Variants in ATP8A2 observed in about 807,000 individuals in gnomAD.
ATP8A2 encodes the protein phospholipid-transporting ATPase IB.
ATP8A2 carries 100 observed loss-of-function variants against 165.6 expected under a neutral mutation model. The observed-to-expected ratio is 0.60, with a 90% confidence interval of 0.51 to 0.71. ATP8A2 has a LOEUF of 0.71. Ranked by LOEUF, ATP8A2 falls within the 30% of genes least tolerant of loss-of-function variation. ATP8A2 has a pLI of 0.00. For synonymous variants in ATP8A2, 543 were observed against 548.8 expected (o/e 0.99, Z 0.15); for missense variants, 1,227 against 1,479.5 (o/e 0.83, Z 2.80).
intron 25 of ATP8A2, among the ~76,000 whole-genome samples, chr13:25,723,867 G>A (rs973605772): frequency 3.7e-4 from 56 of 152,120 alleles, no homozygotes; most frequent in Admixed American, 3.0e-3. Context: ...CACATGAGCC[G>A]TTTAAATCTG....
At chr13:25,913,172 G>T (rs1187275906) in intron 33 of ATP8A2, among the ~76,000 whole-genome samples, 1 of 152,256 alleles carries the variant, frequency 6.6e-6, no homozygotes, top group East Asian at 1.9e-4. Flanking sequence ...CCCCAGGATC[G>T]CATAGCCAGG....
At chr13:25,471,673 A>AT (rs1274382872) in intron 2 of ATP8A2, among the ~76,000 whole-genome samples, 9 of 152,174 alleles carry the variant, frequency 5.9e-5, no homozygotes, top group African/African-American at 2.2e-4. Context: ...AGCACTGATA[A>AT]TGGAGCTTCA....
At chr13:25,836,146 G>A (rs772526392) in intron 28 of ATP8A2, among the ~76,000 whole-genome samples, 22 of 151,274 alleles carry the variant, frequency 1.5e-4, no homozygotes, top group Non-Finnish European at 3.1e-4. Context: ...AGGTAAACTG[G>A]TTGCTGTGAA....
At chr13:25,817,642 T>C (rs907682214) in intron 27 of ATP8A2, among the ~76,000 whole-genome samples, 44 of 152,180 alleles carry the variant, frequency 2.9e-4, no homozygotes, top group Non-Finnish European at 4.3e-4. Context: ...TATTTTATAC[T>C]CTCAAGATTA....
In ATP8A2 at chr13:25,574,307, G is replaced by A. The variant is rs575553634; in HGVS notation, c.1663-501G>A. ...TTCCAAAAGATTTTTCCTAAATTTGGTGAAGAGTTATTTGGCAGCAAAACC... is the reference window on the plus strand; with the variant it reads ...TTCCAAAAGATTTTTCCTAAATTTGATGAAGAGTTATTTGGCAGCAAAACC... On this transcript the variant is annotated intron_variant, in intron 18 of 36. Transcript: ENST00000381655. 1.3e-4 allele frequency among the ~76,000 whole-genome samples: 20 copies of A among 152,280 alleles called. 2 individuals carry two copies. The South Asian group carries it at 3.9e-3, about 30-fold the overall frequency.
At chr13:25,481,792 A>T (rs562294422) in intron 2 of ATP8A2, among the ~76,000 whole-genome samples, 118 of 152,224 alleles carry the variant, frequency 7.8e-4, no homozygotes, top group African/African-American at 2.6e-3. Flanking sequence ...CAGAACAGAG[A>T]GAGTGAGCAA....
intron 25 of ATP8A2, among the ~76,000 whole-genome samples, chr13:25,721,388 T>A (rs2419336): frequency 0.28 from 42,715 of 152,042 alleles, 7,724 homozygotes; most frequent in Middle Eastern, 0.41. Context: ...TGTTTTTGCT[T>A]TGGTTGCCTG....
intron 1 of ATP8A2, among the ~76,000 whole-genome samples, chr13:25,453,180 G>C (rs1247190637): frequency 6.6e-6 from 1 of 151,782 alleles, no homozygotes; most frequent in Non-Finnish European, 1.5e-5. Context: ...AGGCTGGAGT[G>C]CAATGGTATG....
chr13:25,949,150 A>G (rs1252324140), intron 33 of ATP8A2, among the ~76,000 whole-genome samples: 1 of 152,228 alleles, frequency 6.6e-6, no homozygotes, highest in Non-Finnish European at 1.5e-5. Context: ...CAGGTAGTGC[A>G]GCCAGCAGTG....
At chr13:25,456,850 T>G (rs530458045) in intron 1 of ATP8A2, among the ~76,000 whole-genome samples, 1 of 152,184 alleles carries the variant, frequency 6.6e-6, no homozygotes, top group Non-Finnish European at 1.5e-5. Flanking sequence ...ACTTACTGAA[T>G]TCTTATACAT....
intron 28 of ATP8A2, among the ~76,000 whole-genome samples, chr13:25,835,945 A>G (rs779852895): frequency 3.9e-5 from 6 of 152,180 alleles, no homozygotes; most frequent in Non-Finnish European, 5.9e-5. Context: ...GTAACATCTC[A>G]TTTCATGAAA....
chr13:25,967,030 G>A (rs1414926820), intron 34 of ATP8A2, among the ~76,000 whole-genome samples: 1 of 152,156 alleles, frequency 6.6e-6, no homozygotes, highest in African/African-American at 2.4e-5. Flanking sequence ...CTCAGGGCAG[G>A]CGGGGCAGGC....
chr13:25,426,086 G>C (rs1455754668), intron 1 of ATP8A2, among the ~76,000 whole-genome samples: 3 of 152,164 alleles, frequency 2.0e-5, no homozygotes, highest in African/African-American at 7.2e-5. Context: ...TTGGGGGAGG[G>C]AGAGATGAAT....
chr13:25,808,274 C>T (rs905834290), intron 27 of ATP8A2, among the ~76,000 whole-genome samples: 1 of 151,830 alleles, frequency 6.6e-6, no homozygotes, highest in African/African-American at 2.4e-5. Flanking sequence ...GGACTACAGG[C>T]ATGCACTACC....
At chr13:25,840,097 A>G (rs553537212) in intron 30 of ATP8A2, among the ~76,000 whole-genome samples, 36 of 152,112 alleles carry the variant, frequency 2.4e-4, no homozygotes, top group African/African-American at 7.0e-4. Context: ...CGCCTTTTGA[A>G]ATTAGAGTTT....
chr13:25,595,002 ATATATG>A (rs1225019695), intron 24 of ATP8A2, among the ~76,000 whole-genome samples: 1 of 149,886 alleles, frequency 6.7e-6, no homozygotes, highest in Admixed American at 6.7e-5. Flanking sequence ...ATATATATAT[ATATATG>A]TATGTATGCG....
rs562512627 is a variant in ATP8A2 at position 26,010,766 on chromosome 13, G to A, written c.3378-1765G>A. Among the ~76,000 whole-genome samples the A allele has an allele frequency of 1.1e-4, 16 of 152,332 alleles. No homozygotes were observed. The East Asian group carries it at 1.9e-3, about 18-fold the overall frequency. On this transcript the variant is annotated intron_variant, in intron 35 of 36. Coordinates refer to ENST00000381655, the MANE Select transcript of ATP8A2 (RefSeq NM_016529.6). Reference sequence around the variant, plus strand: ...TTGGCCCATGGAAGAAAGAGGAGACGGGAGGGAGGACCAGTGTGAAAGGAT... The same window carrying A: ...TTGGCCCATGGAAGAAAGAGGAGACAGGAGGGAGGACCAGTGTGAAAGGAT...
At chr13:25,612,153 G>A (rs1224940118) in intron 24 of ATP8A2, among the ~76,000 whole-genome samples, 1 of 151,702 alleles carries the variant, frequency 6.6e-6, no homozygotes, top group Non-Finnish European at 1.5e-5. Flanking sequence ...TCTGATCTTG[G>A]TTATTTCTTT....
chr13:25,977,297 A>C (rs555941731), intron 35 of ATP8A2, among the ~76,000 whole-genome samples: 2 of 151,938 alleles, frequency 1.3e-5, no homozygotes, highest in Admixed American at 6.6e-5. Context: ...CAATGGGGAG[A>C]GTTCTTAGGA....
Sources: gnomAD v4.1 joint callset for allele counts (sites outside exome capture counted in the v4.1 genomes callset) on GRCh38, gnomAD v4.1.1 for gene constraint, MANE v1.5 for transcripts, NCBI Gene and HGNC (gene_info 2026-07-23, HGNC 2026-07-21) for gene names.